Variants in XRN1 observed in about 807,000 individuals in gnomAD.
The protein encoded by XRN1 is 5'-3' exoribonuclease 1.
Under a neutral mutation model 222.3 loss-of-function variants are expected in XRN1, and 67 were observed. The ratio of observed to expected loss-of-function variants is 0.30; its 90% CI spans 0.25 to 0.37. XRN1 has a LOEUF of 0.37. Among genes scored for constraint, XRN1 ranks in the 10% least tolerant of loss-of-function variants. The pLI, the probability that XRN1 is intolerant of heterozygous loss-of-function variation, is 1.00. For synonymous variants in XRN1, 643 were observed against 652.4 expected (o/e 0.99, Z 0.22); for missense variants, 1,707 against 2,000.2 (o/e 0.85, Z 2.80).
chr3:142,398,367 G>GTT (rs79496846), intron 19 of XRN1, among the ~76,000 whole-genome samples: 6 of 139,784 alleles, frequency 4.3e-5, no homozygotes, highest in Admixed American at 7.2e-5. Flanking sequence ...TATCTACAAA[G>GTT]TTTTTTTTTT....
chr3:142,399,039 G>C (rs1420967490), intron 19 of XRN1, among the ~76,000 whole-genome samples: 1 of 151,554 alleles, frequency 6.6e-6, no homozygotes, highest in Non-Finnish European at 1.5e-5. Context: ...ACAATGATGA[G>C]AGAAATCAAA....
At chr3:142,371,162 T>C in intron 26 of XRN1, 77 bp downstream of exon 26, 1 of 1,194,924 alleles carries the variant, frequency 8.4e-7, no homozygotes, top group East Asian at 2.4e-5. Flanking sequence ...TATGAAATTC[T>C]TGAGAAACCA....
intron 2 of XRN1, 63 bp downstream of exon 2, chr3:142,432,582 GTGTTAAATCAATTATC>G: frequency 8.0e-7 from 1 of 1,252,128 alleles, no homozygotes; most frequent in Non-Finnish European, 1.1e-6. Flanking sequence ...ACAGAAGATT[GTGTTAAATCAATTATC>G]TTTAAAATAA....
intron 33 of XRN1, among the ~76,000 whole-genome samples, chr3:142,341,839 T>C (rs759208084): frequency 2.0e-5 from 3 of 152,090 alleles, no homozygotes; most frequent in Non-Finnish European, 4.4e-5. Flanking sequence ...CATTATATAA[T>C]GATAAAGAGG....
chr3:142,380,659 AT>A (rs747193458), intron 22 of XRN1, among the ~76,000 whole-genome samples: 37 of 145,486 alleles, frequency 2.5e-4, no homozygotes, highest in South Asian at 6.5e-4. Context: ...CTGGACAATC[AT>A]TTTTTTTTTT....
rs56024947 is a variant in XRN1 at position 142,327,530 on chromosome 3, T to A, written c.4404+1904A>T. Among the ~76,000 whole-genome samples, 1,233 of 145,554 alleles carry A rather than the reference T, an allele frequency of 8.5e-3. 8 individuals carry two copies. Among genetic ancestry groups the A allele is most frequent in the Non-Finnish European group, 0.013 (880 of 65,858 alleles). On this transcript the variant is annotated intron_variant, in intron 37 of 40. Coordinates refer to ENST00000392981, the MANE Select transcript of XRN1 (RefSeq NM_001282857.2). Reference sequence around the variant, plus strand: ...AGGTTTGTTGATTTTGCTTATCTTTTAAAAAAAAAAAACAACTTTTTCTTT... The same window carrying A: ...AGGTTTGTTGATTTTGCTTATCTTTAAAAAAAAAAAAACAACTTTTTCTTT...
chr3:142,354,453 C>G (rs2066404643), intron 32 of XRN1, among the ~76,000 whole-genome samples: 1 of 152,200 alleles, frequency 6.6e-6, no homozygotes, highest in Non-Finnish European at 1.5e-5. Context: ...ATAAACCGTT[C>G]TTCCAAAAAG....
chr3:142,412,434 T>C (rs1577390143), intron 15 of XRN1, 110 bp downstream of exon 15: 2 of 1,343,998 alleles, frequency 1.5e-6, no homozygotes, highest in East Asian at 5.1e-5. Flanking sequence ...GGTAGCTAAA[T>C]CTCATTAACA....
intron 37 of XRN1, among the ~76,000 whole-genome samples, chr3:142,327,958 G>A (rs1350508556): frequency 1.3e-5 from 2 of 151,990 alleles, no homozygotes; most frequent in African/African-American, 4.8e-5. Flanking sequence ...TTAAGATAAT[G>A]GCCTCAGTTC....
rs745684722 is a variant in XRN1 at position 142,421,528 on chromosome 3, C to G, written c.983G>C (p.Ser328Thr). The change falls in exon 9 of 41, where the codon AGT becomes ACT. Residue 328 changes from serine to threonine, a missense_variant. Physicochemically the swap from Ser to Thr is moderately conservative, Grantham distance 58 (BLOSUM62 1). Transcript: ENST00000392981. ...AAATCGAGGTAAGTTGAGGTGCCCA[C>G]TTTCATTAATATAACCTAAAAGAAA... ...LPELGGYINESGHLNLPRFEK... is the reference protein window; with the variant it reads ...LPELGGYINETGHLNLPRFEK... The G allele has an allele frequency of 6.2e-7, 1 of 1,609,456 alleles. No homozygotes were observed. The highest frequency in any genetic ancestry group is 8.5e-7 in the Non-Finnish European group (1 of 1,178,090).
intron 33 of XRN1, among the ~76,000 whole-genome samples, chr3:142,345,771 T>C (rs1037455432): frequency 2.0e-5 from 3 of 152,166 alleles, no homozygotes; most frequent in African/African-American, 7.2e-5. Context: ...CCAAAGATGA[T>C]ATACATGAAA....
intron 20 of XRN1, among the ~76,000 whole-genome samples, chr3:142,387,133 G>A (rs2067534081): frequency 6.6e-6 from 1 of 152,132 alleles, no homozygotes; most frequent in East Asian, 1.9e-4. Context: ...AGTATCATTA[G>A]TGAAAATGAA....
chr3:142,373,997 A>G (rs1055748009), intron 25 of XRN1, among the ~76,000 whole-genome samples: 1 of 152,096 alleles, frequency 6.6e-6, no homozygotes, highest in Non-Finnish European at 1.5e-5. Flanking sequence ...GCAAAACAAA[A>G]ATAAAAACAA....
intron 10 of XRN1, chr3:142,420,389 T>A (rs1413413997): frequency 1.3e-5 from 2 of 152,282 alleles, no homozygotes; most frequent in Non-Finnish European, 1.5e-5. Flanking sequence ...TTCTTTTTTA[T>A]GAGACAGAGT....
intron 20 of XRN1, among the ~76,000 whole-genome samples, 159 bp from the exon 21 acceptor site, chr3:142,384,844 T>C (rs1057065644): frequency 6.6e-5 from 10 of 152,206 alleles, no homozygotes; most frequent in African/African-American, 2.4e-4. Context: ...CTTGAGACTT[T>C]TTGCATTATT....
chr3:142,340,568 G>A (rs2065966111), intron 33 of XRN1, among the ~76,000 whole-genome samples: 1 of 152,046 alleles, frequency 6.6e-6, no homozygotes, highest in African/African-American at 2.4e-5. Flanking sequence ...CCAAGGACAA[G>A]AAGGTTATAG....
chr3:142,356,766 G>GT (rs2066476601), intron 31 of XRN1, 146 bp downstream of exon 31: 1 of 706,932 alleles, frequency 1.4e-6, no homozygotes, highest in Admixed American at 2.8e-5. Flanking sequence ...TATTAGCCTA[G>GT]TATCTTAAAT....
rs868343790 is a variant in XRN1 at position 142,333,016 on chromosome 3, T to G, written c.4013A>C (p.His1338Pro). 1 of 1,613,866 alleles carries G rather than the reference T, an allele frequency of 6.2e-7. No individual in the cohort carries two copies. The highest frequency in any genetic ancestry group is 8.5e-7 in the Non-Finnish European group (1 of 1,179,854). The change falls in exon 35 of 41, where the codon CAT becomes CCT. Residue 1338 changes from histidine to proline, a missense_variant. By Grantham distance (77) the His-to-Pro change is moderately conservative (BLOSUM62 -2). Coordinates refer to ENST00000392981, the MANE Select transcript of XRN1 (RefSeq NM_001282857.2). ...SKENEVQSSH[H>P]GEPPSEEHLS... ...ATGCTCTTCACTTGGAGGCTCCCCA[T>G]GATGAGATGACTGTACTTCATTTTC...
intron 13 of XRN1, among the ~76,000 whole-genome samples, chr3:142,414,686 G>A (rs1036398661): frequency 4.6e-5 from 7 of 151,924 alleles, no homozygotes; most frequent in Non-Finnish European, 1.0e-4. Flanking sequence ...TAGTAGAGAC[G>A]GGGTTTCACC....
Sources: gnomAD v4.1 joint callset for allele counts (sites outside exome capture counted in the v4.1 genomes callset) on GRCh38, gnomAD v4.1.1 for gene constraint, MANE v1.5 for transcripts, NCBI Gene and HGNC (gene_info 2026-07-23, HGNC 2026-07-21) for gene names.